SNAP91: variants seen among roughly 807,000 people sequenced by gnomAD.
The protein encoded by SNAP91 is synaptosome associated protein 91, also known as clathrin coat assembly protein AP180.
In SNAP91, 27 loss-of-function variants were observed where a neutral mutation model predicts 100.3. The observed-to-expected ratio is 0.27, with a 90% CI of 0.20 to 0.37. The LOEUF (loss-of-function observed/expected upper bound fraction) is 0.37. Ranked by LOEUF, SNAP91 falls within the 10% of genes least tolerant of loss-of-function variation. SNAP91 has a pLI of 1.00. For synonymous variants in SNAP91, 404 were observed against 398.6 expected (o/e 1.01, Z -0.16); for missense variants, 986 against 1,123.7 (o/e 0.88, Z 1.75).
chr6:83,558,670 C>T (rs1210166469), intron 28 of SNAP91, among the ~76,000 whole-genome samples: 1 of 152,188 alleles, frequency 6.6e-6, no homozygotes. Context: ...GCAGGTATTC[C>T]ATGGATAAGA....
Position 83,593,549 on chromosome 6 carries a change from G to A in SNAP91, c.1625C>T (p.Ala542Val). 6 of 1,553,072 alleles carry A rather than the reference G, an allele frequency of 3.9e-6. No homozygotes were observed. Among genetic ancestry groups the A allele is most frequent in the Non-Finnish European group, 5.2e-6 (6 of 1,147,312 alleles). ...AAAATTAATA[A>V]ATTTTTTSAA... is the part of the protein sequence containing the mutation. ...GGAGGTGGTGGTAGTGGTGGTGGCAGCGGCGGTGGCAGCAGTAGTGGCAGC... is the reference window on the plus strand; with the variant it reads ...GGAGGTGGTGGTAGTGGTGGTGGCAACGGCGGTGGCAGCAGTAGTGGCAGC... Residue 542 changes from alanine to valine, a missense_variant, in exon 18 of 30, where the codon GCT becomes GTT. Physicochemically the swap from Ala to Val is moderately conservative, Grantham distance 64 (BLOSUM62 0). Coordinates refer to ENST00000369694, the MANE Select transcript of SNAP91 (RefSeq NM_001242792.2).
chr6:83,666,015 A>G (rs952749362), intron 2 of SNAP91, among the ~76,000 whole-genome samples: 5 of 152,150 alleles, frequency 3.3e-5, no homozygotes, highest in Non-Finnish European at 5.9e-5. Flanking sequence ...AGCTAAAAGC[A>G]TATCTCATTT....
chr6:83,569,675 T>G (rs550496284), intron 26 of SNAP91, among the ~76,000 whole-genome samples: 2 of 152,276 alleles, frequency 1.3e-5, no homozygotes, highest in South Asian at 4.1e-4. Context: ...TGAATTCCCA[T>G]GTGTTGTGGG....
chr6:83,611,647 T>C (rs1377832062), intron 11 of SNAP91, among the ~76,000 whole-genome samples: 3 of 152,038 alleles, frequency 2.0e-5, no homozygotes, highest in African/African-American at 7.2e-5. Context: ...TTATGAATTT[T>C]TGTCTTATTG....
intron 11 of SNAP91, 78 bp from the exon 12 acceptor site, chr6:83,610,755 A>ATATG (rs1429142637): frequency 6.2e-5 from 14 of 227,268 alleles, no homozygotes; most frequent in Non-Finnish European, 1.1e-4. Flanking sequence ...ATAAATATAT[A>ATATG]TGTGAATATA....
intron 11 of SNAP91, chr6:83,611,489 T>C (rs1309827522): frequency 6.6e-6 from 3 of 455,130 alleles, no homozygotes; most frequent in African/African-American, 2.0e-5. Flanking sequence ...AGATGAAGAC[T>C]AAATACATTT....
chr6:83,638,499 A>T (rs904287498), intron 8 of SNAP91, among the ~76,000 whole-genome samples: 2 of 152,128 alleles, frequency 1.3e-5, no homozygotes, highest in African/African-American at 4.8e-5. Flanking sequence ...TGCATTGTTT[A>T]TTTGTATGTT....
intron 26 of SNAP91, among the ~76,000 whole-genome samples, chr6:83,567,017 T>C (rs2084571587): frequency 6.6e-6 from 1 of 152,168 alleles, no homozygotes; most frequent in Non-Finnish European, 1.5e-5. Flanking sequence ...TAGCTCACCG[T>C]AGGCTCAAAC....
At position 83,682,575 on chromosome 6, in the gene SNAP91, A is replaced by T. The variant is rs185174483; in HGVS notation, c.131-16994T>A. Among the ~76,000 whole-genome samples the T allele has an allele frequency of 6.3e-4, 95 of 151,534 alleles. 1 individual carries two copies. The East Asian group carries it at 0.015, about 25-fold the overall frequency. On this transcript the variant is annotated intron_variant, in intron 2 of 29. Transcript: ENST00000369694. ...GTATCTTCTAAGTATATATTTTTTT[A>T]AATTTTTTTATTTTATTATTATTAT...
chr6:83,577,050 A>T (rs1285622855), intron 24 of SNAP91, among the ~76,000 whole-genome samples: 2 of 152,188 alleles, frequency 1.3e-5, no homozygotes, highest in Admixed American at 1.3e-4. Flanking sequence ...TGGAAAAATG[A>T]AAAGGAAGGG....
At chr6:83,684,905 T>C (rs1051812702) in intron 2 of SNAP91, among the ~76,000 whole-genome samples, 4 of 152,194 alleles carry the variant, frequency 2.6e-5, no homozygotes, top group Non-Finnish European at 4.4e-5. Flanking sequence ...CAATTATTCT[T>C]AAAATGAGTT....
chr6:83,647,842 T>C (rs1329969084), intron 7 of SNAP91, among the ~76,000 whole-genome samples: 2 of 152,152 alleles, frequency 1.3e-5, no homozygotes, highest in African/African-American at 4.8e-5. Context: ...AAGAAAGATG[T>C]ATTTGGCTCA....
chr6:83,686,053 G>T (rs2099056102), intron 2 of SNAP91: 2 of 503,772 alleles, frequency 4.0e-6, no homozygotes, highest in African/African-American at 2.1e-5. Flanking sequence ...GGTACCCCAA[G>T]CGTCTAGACC....
chr6:83,587,560 A>T (rs1484384954), intron 22 of SNAP91, among the ~76,000 whole-genome samples: 1 of 152,190 alleles, frequency 6.6e-6, no homozygotes, highest in Non-Finnish European at 1.5e-5. Flanking sequence ...TCCCCCAAAT[A>T]AACACAGACA....
chr6:83,580,418 T>A (rs764083682), intron 24 of SNAP91, 32 bp downstream of exon 24: 163 of 1,447,454 alleles, frequency 1.1e-4, no homozygotes, highest in Non-Finnish European at 1.4e-4. Flanking sequence ...ATGCTTCAGT[T>A]AAAGAAAAAA....
At chr6:83,624,640 A>G (rs542881384) in intron 8 of SNAP91, among the ~76,000 whole-genome samples, 1 of 152,110 alleles carries the variant, frequency 6.6e-6, no homozygotes, top group East Asian at 1.9e-4. Flanking sequence ...TGTCTTGTGC[A>G]CTGTAGGATG....
intron 17 of SNAP91, 66 bp downstream of exon 17, chr6:83,594,308 T>C: frequency 8.0e-7 from 1 of 1,255,350 alleles, no homozygotes; most frequent in Non-Finnish European, 1.1e-6. Context: ...ATATGGCCTC[T>C]TCTAACTACG....
chr6:83,575,183 G>A (rs1425001097), intron 25 of SNAP91, 62 bp from the exon 26 acceptor site: 3 of 1,116,442 alleles, frequency 2.7e-6, no homozygotes, highest in Admixed American at 2.0e-5. Context: ...AAAAAATGGT[G>A]TGTGGCTCCT....
At chr6:83,679,443 G>A (rs1277660270) in intron 2 of SNAP91, among the ~76,000 whole-genome samples, 1 of 152,146 alleles carries the variant, frequency 6.6e-6, no homozygotes, top group Non-Finnish European at 1.5e-5. Flanking sequence ...GTAAATTGTG[G>A]GGAGAAATGA....
Sources: gnomAD v4.1 joint callset for allele counts (sites outside exome capture counted in the v4.1 genomes callset) on GRCh38, gnomAD v4.1.1 for gene constraint, MANE v1.5 for transcripts, NCBI Gene and HGNC (gene_info 2026-07-23, HGNC 2026-07-21) for gene names.